The following VWCE variants were observed in gnomAD, a reference collection of about 807,000 sequenced individuals.
VWCE encodes the protein von Willebrand factor C and EGF domain-containing protein.
VWCE carries 68 observed loss-of-function variants against 102.9 expected under a neutral mutation model. The ratio of observed to expected loss-of-function variants is 0.66; its 90% CI spans 0.54 to 0.81. The LOEUF (loss-of-function observed/expected upper bound fraction) is 0.81. Among genes scored for constraint, VWCE ranks in the 30% least tolerant of loss-of-function variants. VWCE has a pLI of 0.00. For synonymous variants in VWCE, 497 were observed against 515.4 expected, an observed-to-expected ratio of 0.96 and a Z score of 0.48; for missense variants, 1,137 against 1,263.6, an observed-to-expected ratio of 0.90 and a Z score of 1.52.
chr11:61,287,570 G>C (rs184705843), intron 4 of VWCE, among the ~76,000 whole-genome samples: 82 of 152,332 alleles, frequency 5.4e-4, no homozygotes, highest in Non-Finnish European at 1.0e-3. Flanking sequence ...GCTGACTCCA[G>C]ATGTTCACGG....
At position 61,259,105 on chromosome 11, in the gene VWCE, A is replaced by T; in HGVS notation, c.2438T>A (p.Leu813Ter). The T allele has an allele frequency of 6.2e-7, 1 of 1,614,130 alleles. No homozygotes were observed. Among genetic ancestry groups the T allele is most frequent in the African/African-American group, 1.3e-5 (1 of 75,038 alleles). ...ATGAGCTCCTGCCGGGCTTGTAGGT[A>T]AAGTCTGTGTTTTCATCAAGTTCGT... ...LRTNLMKTQT[L>*]PTSPAGAHGP... The change falls in exon 20 of 20, where the codon TTA (leucine) becomes TAA (stop). Residue 813 changes from leucine to a stop codon, truncating the protein, a stop_gained. Transcript: ENST00000335613. LOFTEE classifies it low-confidence loss of function (END_TRUNC).
At chr11:61,273,035 TCAGA>T (rs1034915136) in intron 13 of VWCE, among the ~76,000 whole-genome samples, 160 bp downstream of exon 13, 9 of 138,416 alleles carry the variant, frequency 6.5e-5, no homozygotes, top group Admixed American at 2.0e-4. Context: ...AGGTACACAC[TCAGA>T]CACACTACAC....
chr11:61,282,551 G>C (rs1855176196), intron 6 of VWCE: 3 of 481,536 alleles, frequency 6.2e-6, no homozygotes, highest in Admixed American at 3.6e-5. Context: ...GAGAGGAGCG[G>C]AAGAGAAACA....
At chr11:61,264,930 C>T (rs746132774) in intron 18 of VWCE, 26 bp downstream of exon 18, 2 of 1,612,100 alleles carry the variant, frequency 1.2e-6, no homozygotes, top group Middle Eastern at 1.9e-4. Context: ...GGCGGGGCCG[C>T]TCCTGGGTTC....
intron 4 of VWCE, among the ~76,000 whole-genome samples, chr11:61,289,673 A>G (rs1460546512): frequency 6.6e-6 from 1 of 152,216 alleles, no homozygotes; most frequent in Non-Finnish European, 1.5e-5. Flanking sequence ...TATATGCTGC[A>G]TGCTTAACAT....
Position 61,291,550 on chromosome 11 carries a change from A to G in VWCE, c.137T>C (p.Leu46Pro). The G allele has an allele frequency of 6.8e-7, 1 of 1,466,094 alleles. No homozygotes were observed. The highest frequency in any genetic ancestry group is 1.8e-4 in the Middle Eastern group (1 of 5,596). 90.8% of individuals were successfully genotyped at this position (1,466,094 alleles called of 1,614,324 possible). A position where few individuals can be genotyped will look rare whatever the true frequency, so the allele number is the denominator to read the frequency against. The change falls in exon 2 of 20, where the codon CTC becomes CCC. Residue 46 changes from leucine (L) to proline (P), a missense_variant. By Grantham distance (98) the Leu-to-Pro change is moderately conservative. This residue lies in a region of VWCE where 575 missense variants were observed against 625.9 expected (regional missense o/e 0.92). Coordinates refer to ENST00000335613, the MANE Select transcript of VWCE (RefSeq NM_152718.2). Reference protein sequence around the residue: ...ERRRLGPHVCLSGFGSGCCPG... With the variant: ...ERRRLGPHVCPSGFGSGCCPG... ...GCAGCAGCCACTCCCAAACCCAGAG[A>G]GGCAGACGTGGGGGCCCAGTCGGCG...
chr11:61,279,916 G>A (rs553066366), intron 9 of VWCE, among the ~76,000 whole-genome samples: 5 of 152,032 alleles, frequency 3.3e-5, no homozygotes, highest in African/African-American at 9.7e-5. Flanking sequence ...TTGTAGACAC[G>A]GGTCCTCCCT....
intron 5 of VWCE, among the ~76,000 whole-genome samples, chr11:61,283,679 G>C (rs148374672): frequency 0.014 from 2,122 of 152,300 alleles, 20 homozygotes; most frequent in Non-Finnish European, 0.022. Flanking sequence ...CATTACAGGC[G>C]TGAGCCACTG....
rs1397905565 is a variant in VWCE, at chr11:61,278,280, T to A, written c.1407+114A>T. On this transcript the variant is annotated intron_variant, in intron 10 of 19. Transcript: ENST00000335613. ...CTAACCAAATTCCACAACCTGAGAA[T>A]GTTCCCTTCCACTCAACAAGCTCAC... is the stretch of plus-strand genomic sequence containing the variant. 1.2e-5 allele frequency: 14 copies of A among 1,140,916 alleles called. No individual in the cohort carries two copies. The East Asian group carries it at 3.3e-4, about 27-fold the overall frequency. The allele number at this position is 1,140,916 out of a possible 1,614,324, so 70.7% of individuals were successfully genotyped here. A position where few individuals can be genotyped will look rare whatever the true frequency, so the allele number is the denominator to read the frequency against.
At position 61,295,182 on chromosome 11, in the gene VWCE, G is replaced by T. The variant is rs948751723; in HGVS notation, c.-145C>A. The T allele has an allele frequency of 2.2e-6, 1 of 452,604 alleles. No homozygotes were observed. Among genetic ancestry groups the T allele is most frequent in the Middle Eastern group, 6.0e-4 (1 of 1,662 alleles). 28.0% of individuals were successfully genotyped at this position (452,604 alleles called of 1,614,324 possible). A position where few individuals can be genotyped will look rare whatever the true frequency, so the allele number is the denominator to read the frequency against. ...ATGGCACGCAGAGCTGAGCAGGGGG[G>T]CTTGGGACGCCGAGAGGAGGGGCCG... is the stretch of plus-strand genomic sequence containing the variant. On this transcript the variant is annotated 5_prime_UTR_variant, in exon 1 of 20. Coordinates refer to ENST00000335613, the MANE Select transcript of VWCE (RefSeq NM_152718.2). This position sits in a 1 kb window ranked among gnomAD's most constrained non-coding sequence, Gnocchi z 4.6.
intron 4 of VWCE, among the ~76,000 whole-genome samples, chr11:61,288,853 T>C (rs1288398707): frequency 6.6e-6 from 1 of 151,622 alleles, no homozygotes; most frequent in African/African-American, 2.4e-5. Context: ...TTTTTTTTTT[T>C]TTTGAGACGG....
chr11:61,284,422 G>A (rs1855244751), intron 5 of VWCE, among the ~76,000 whole-genome samples: 1 of 152,176 alleles, frequency 6.6e-6, no homozygotes, highest in Admixed American at 6.5e-5. Flanking sequence ...CTCTGTAAGT[G>A]CCCATGTACG....
rs1348994799 is a variant in VWCE at position 61,294,095 on chromosome 11, A to C, written c.110+833T>G. On this transcript the variant is annotated intron_variant, in intron 1 of 19. Transcript: ENST00000335613. This position sits in a 1 kb window ranked among gnomAD's most constrained non-coding sequence, Gnocchi z 6.3. ...GAGTCGAACTCTCAGGTGGGCAGGGACCGAGCACCCGCCAGAGCGCCCTAA... is the reference window on the plus strand; with the variant it reads ...GAGTCGAACTCTCAGGTGGGCAGGGCCCGAGCACCCGCCAGAGCGCCCTAA... Among the ~76,000 whole-genome samples, 1 of 152,132 alleles carries C rather than the reference A, an allele frequency of 6.6e-6. No individual in the cohort carries two copies. Among genetic ancestry groups the C allele is most frequent in the East Asian group, 1.9e-4 (1 of 5,180 alleles).
Position 61,281,785 on chromosome 11 carries a change from C to A in VWCE, c.787+1G>T. On this transcript the variant is annotated splice_donor_variant, in intron 7 of 19. Transcript: ENST00000335613. LOFTEE classifies it high-confidence loss of function. ...CCGGGATGGAGGGGCCTGGCGCTCA[C>A]CTTCACAGGACACGCGGTCAGCTCG... The A allele has an allele frequency of 6.2e-7, 1 of 1,610,916 alleles. No individual in the cohort carries two copies. Among genetic ancestry groups the A allele is most frequent in the Non-Finnish European group, 8.5e-7 (1 of 1,178,170 alleles).
Position 61,294,918 on chromosome 11 carries a change from G to A in VWCE, c.110+10C>T, listed in dbSNP as rs762738662. 5.7e-5 allele frequency: 79 copies of A among 1,398,140 alleles called. No homozygotes were observed. The South Asian group carries it at 5.8e-4, about 10-fold the overall frequency. 86.6% of individuals were successfully genotyped at this position (1,398,140 alleles called of 1,614,324 possible). A position where few individuals can be genotyped will look rare whatever the true frequency, so the allele number is the denominator to read the frequency against. On this transcript the variant is annotated intron_variant, in intron 1 of 19. Coordinates refer to ENST00000335613, the MANE Select transcript of VWCE (RefSeq NM_152718.2). This position sits in a 1 kb window ranked among gnomAD's most constrained non-coding sequence, Gnocchi z 6.3. Reference sequence around the variant, plus strand: ...GGGCGGGGGAGCGGGGAGGAGCTCCGGGCGCTTACCTCTCGGCCGCGAAGT... The same window carrying A: ...GGGCGGGGGAGCGGGGAGGAGCTCCAGGCGCTTACCTCTCGGCCGCGAAGT...
At position 61,258,983 on chromosome 11, in the gene VWCE, C is replaced by T. The variant is rs1854271634; in HGVS notation, c.2560G>A (p.Ala854Thr). ...GGGGAAGCTAGAGGTAGAGTGGGGG[C>T]TCCTGGAGGGGTCGAAGGCCCTGGT... Reference protein sequence around the residue: ...LSPGPSTPPGAPTLPLASPGA... With the variant: ...LSPGPSTPPGTPTLPLASPGA... The change falls in exon 20 of 20, where the codon GCC becomes ACC. Residue 854 changes from alanine to threonine, a missense_variant. By Grantham distance (58) the Ala-to-Thr change is moderately conservative. This residue lies in a region of VWCE where 316 missense variants were observed against 319.3 expected (regional missense o/e 0.99). Coordinates refer to ENST00000335613, the MANE Select transcript of VWCE (RefSeq NM_152718.2). The T allele has an allele frequency of 3.1e-6, 5 of 1,608,170 alleles. No homozygotes were observed. Among genetic ancestry groups the T allele is most frequent in the African/African-American group, 1.3e-5 (1 of 74,620 alleles).
chr11:61,278,603 T>C, intron 9 of VWCE, 127 bp from the exon 10 acceptor site: 2 of 849,204 alleles, frequency 2.4e-6, no homozygotes, highest in Non-Finnish European at 1.9e-6. Context: ...GTCCCAGGAG[T>C]GGTAGATTCA....
rs371286673 is a variant in VWCE at position 61,286,357 on chromosome 11, A to G, written c.498T>C (p.Cys166=). ...VNTEGGFVCE[C]GPGMQLSADR... ...CGGCAGACAGCTGCATGCCCGGCCCACACTCGCACACAAACCCACCTTCTG... is the reference window on the plus strand; with the variant it reads ...CGGCAGACAGCTGCATGCCCGGCCCGCACTCGCACACAAACCCACCTTCTG... Residue 166 remains cysteine, a synonymous_variant, in exon 5 of 20, where the codon TGT becomes TGC. Transcript: ENST00000335613. 7.4e-6 allele frequency: 12 copies of G among 1,611,868 alleles called. No individual in the cohort carries two copies. In the African/African-American group the frequency reaches 1.2e-4, roughly 16 times the overall value.
intron 5 of VWCE, among the ~76,000 whole-genome samples, chr11:61,285,332 T>C (rs968769652): frequency 2.0e-5 from 3 of 152,158 alleles, no homozygotes; most frequent in Non-Finnish European, 2.9e-5. Context: ...ATTATCGGCC[T>C]TGTGAGATTC....
Sources: allele counts gnomAD v4.1 joint callset (sites outside exome capture counted in the v4.1 genomes callset), GRCh38; gene constraint gnomAD v4.1.1; regional missense constraint gnomAD v4.1.1; non-coding constraint Gnocchi (gnomAD v3.1); transcripts MANE v1.5; gene names NCBI Gene and HGNC (gene_info 2026-07-23, HGNC 2026-07-21).